Variants in GLP1R observed in about 807,000 individuals in gnomAD.
GLP1R encodes glucagon-like peptide 1 receptor.
A neutral mutation model predicts 68.4 loss-of-function variants in GLP1R; 32 were observed. That is an observed-to-expected ratio of 0.47 (90% CI 0.35 to 0.63). GLP1R has a LOEUF of 0.63. GLP1R is among the 20% of genes least tolerant of loss of function. The probability of loss-of-function intolerance (pLI) is 0.00; values close to 1 mark genes in which losing one functional copy is unlikely to be tolerated. For synonymous variants in GLP1R, 263 were observed against 244.4 expected (o/e 1.08, Z -0.71); for missense variants, 502 against 594.9 (o/e 0.84, Z 1.62).
At position 39,086,291 on chromosome 6, in the gene GLP1R, AAGC is replaced by A. The variant is rs1178690706; in HGVS notation, c.*222_*224del. 3 of 488,338 alleles carry A rather than the reference AAGC, an allele frequency of 6.1e-6. No homozygotes were observed. The highest frequency in any genetic ancestry group is 3.5e-5 in the Admixed American group (1 of 28,368). 30.3% of individuals were successfully genotyped at this position (488,338 alleles called of 1,614,324 possible). A position where few individuals can be genotyped will look rare whatever the true frequency, so the allele number is the denominator to read the frequency against. On this transcript the variant is annotated 3_prime_UTR_variant, in exon 13 of 13. Coordinates refer to ENST00000373256, the MANE Select transcript of GLP1R (RefSeq NM_002062.5). This position sits in a 1 kb window ranked among gnomAD's most constrained non-coding sequence, Gnocchi z 4.5. ...CCATGGACACATTTTCTCCTAGGAGAAGCAGCCTCCTAATTTGATCACAGTGGC... is the reference window on the plus strand; with the variant it reads ...CCATGGACACATTTTCTCCTAGGAGAAGCCTCCTAATTTGATCACAGTGGC...
chr6:39,050,731 T>G (rs1768068588), intron 1 of GLP1R, among the ~76,000 whole-genome samples: 1 of 152,152 alleles, frequency 6.6e-6, no homozygotes, highest in Non-Finnish European at 1.5e-5. Context: ...ATAGTGTATT[T>G]TGCATTTTGT....
chr6:39,079,654 C>A lies in GLP1R; in HGVS notation c.1134C>A (p.Thr378=), dbSNP rs200102967. 1 of 1,612,250 alleles carries A rather than the reference C, an allele frequency of 6.2e-7. No individual in the cohort carries two copies. Among genetic ancestry groups the A allele is most frequent in the Non-Finnish European group, 8.5e-7 (1 of 1,179,236 alleles). Residue 378 remains threonine, a synonymous_variant, in exon 11 of 13, where the codon ACC becomes ACA. Coordinates refer to ENST00000373256, the MANE Select transcript of GLP1R (RefSeq NM_002062.5). The surrounding 1 kb of genome is among the most constrained non-coding windows in gnomAD (Gnocchi z 4.5). ...TGATGGACGAGCACGCCCGGGGGAC[C>A]CTGCGCTTCATCAAGCTGTTTACAG... ...AFVMDEHARG[T]LRFIKLFTEL... is the part of the protein sequence containing the mutation.
intron 6 of GLP1R, 36 bp downstream of exon 6, chr6:39,073,051 G>A: frequency 1.9e-6 from 3 of 1,594,858 alleles, no homozygotes; most frequent in Non-Finnish European, 2.6e-6. Flanking sequence ...CAGGAGGGAT[G>A]GGCGGTTGGA....
At position 39,056,407 on chromosome 6, in the gene GLP1R, T is replaced by A; in HGVS notation, c.89T>A (p.Val30Glu). The A allele has an allele frequency of 1.3e-6, 2 of 1,598,600 alleles. No individual in the cohort carries two copies. The highest frequency in any genetic ancestry group is 1.7e-6 in the Non-Finnish European group (2 of 1,166,002). Reference protein sequence around the residue: ...RAGPRPQGATVSLWETVQKWR... With the variant: ...RAGPRPQGATESLWETVQKWR... The stretch of plus-strand genomic sequence containing the variant: ...ATGCCCTCCCCCCAGGGTGCCACTG[T>A]GTCCCTCTGGGAGACGGTGCAGAAA... Residue 30 changes from valine (V) to glutamate (E), a missense_variant, in exon 2 of 13, where the codon GTG becomes GAG. Coordinates refer to ENST00000373256, the MANE Select transcript of GLP1R (RefSeq NM_002062.5).
chr6:39,049,371 A>G lies in GLP1R; in HGVS notation c.78+453A>G, dbSNP rs1450033571. 2.0e-5 allele frequency among the ~76,000 whole-genome samples: 3 copies of G among 152,044 alleles called. No individual in the cohort carries two copies. The highest frequency in any genetic ancestry group is 4.4e-5 in the Non-Finnish European group (3 of 67,992). ...GCCTCCCCAGACAATCCACCTGCTC[A>G]AAGACCCTGAGAAGACCCTGGGAGG... On this transcript the variant is annotated intron_variant, in intron 1 of 12. Coordinates refer to ENST00000373256, the MANE Select transcript of GLP1R (RefSeq NM_002062.5). The surrounding 1 kb of genome is among the most constrained non-coding windows in gnomAD (Gnocchi z 4.5).
At chr6:39,072,557 C>T (rs1000181238) in intron 5 of GLP1R, among the ~76,000 whole-genome samples, 2 of 152,246 alleles carry the variant, frequency 1.3e-5, no homozygotes, top group Non-Finnish European at 2.9e-5. Flanking sequence ...AACTGATCCT[C>T]ATGCATAAAT....
chr6:39,050,484 TC>T (rs1207630645), intron 1 of GLP1R, among the ~76,000 whole-genome samples: 3 of 152,108 alleles, frequency 2.0e-5, no homozygotes, highest in African/African-American at 4.8e-5. Context: ...TTTCCTCTGA[TC>T]CGATTTTACT....
chr6:39,075,870 C>T (rs1300223826), intron 7 of GLP1R, among the ~76,000 whole-genome samples: 2 of 152,320 alleles, frequency 1.3e-5, no homozygotes, highest in East Asian at 3.9e-4. Context: ...GGAGGCTGTG[C>T]AAGAGGGAGG....
intron 3 of GLP1R, among the ~76,000 whole-genome samples, chr6:39,061,458 A>G (rs1020538551): frequency 1.3e-5 from 2 of 152,234 alleles, no homozygotes; most frequent in African/African-American, 2.4e-5. Flanking sequence ...ATGCTTTAAA[A>G]ATAACCTATA....
At chr6:39,070,413 T>C (rs1488492747) in intron 5 of GLP1R, among the ~76,000 whole-genome samples, 1 of 152,242 alleles carries the variant, frequency 6.6e-6, no homozygotes, top group Non-Finnish European at 1.5e-5. Flanking sequence ...TTTTTCTTTC[T>C]GAATTACAAA....
In GLP1R at chr6:39,087,411, T is replaced by C. The variant is rs1769178050; in HGVS notation, c.*1338T>C. 1 of 152,188 alleles carries C rather than the reference T, an allele frequency of 6.6e-6. No individual in the cohort carries two copies. The highest frequency in any genetic ancestry group is 1.5e-5 in the Non-Finnish European group (1 of 68,062). 9.4% of individuals were successfully genotyped at this position (152,188 alleles called of 1,614,324 possible). ...AACCTATCAATCCTGCCCCCAGCCA[T>C]GGTGAGGAAGCCCCAAGCCATGGTG... On this transcript the variant is annotated 3_prime_UTR_variant, in exon 13 of 13. Coordinates refer to ENST00000373256, the MANE Select transcript of GLP1R (RefSeq NM_002062.5).
At position 39,048,897 on chromosome 6, in the gene GLP1R, C is replaced by A; in HGVS notation, c.57C>A (p.Gly19=). The stretch of plus-strand genomic sequence containing the variant: ...CGCTGCTGCTGCTCGGGATGGTGGG[C>A]AGGGCCGGCCCCCGCCCCCAGGTGA... The part of the protein sequence containing the change: ...RLALLLLGMV[G]RAGPRPQGAT... The change falls in exon 1 of 13, where the codon GGC becomes GGA. Residue 19 remains glycine, a synonymous_variant. Transcript: ENST00000373256. 6.9e-7 allele frequency: 1 copy of A among 1,441,740 alleles called. No homozygotes were observed. Among genetic ancestry groups the A allele is most frequent in the Non-Finnish European group, 9.1e-7 (1 of 1,100,774 alleles). The allele number at this position is 1,441,740 out of a possible 1,614,324, so 89.3% of individuals were successfully genotyped here.
chr6:39,051,419 C>A (rs1768085083), intron 1 of GLP1R, among the ~76,000 whole-genome samples: 1 of 152,024 alleles, frequency 6.6e-6, no homozygotes, highest in Non-Finnish European at 1.5e-5. Flanking sequence ...TGTTGGAGAC[C>A]CTGGGTCTCT....
In GLP1R at chr6:39,061,693, C is replaced by T. The variant is rs74607943; in HGVS notation, c.284-4018C>T. On this transcript the variant is annotated intron_variant, in intron 3 of 12. Transcript: ENST00000373256. Reference sequence around the variant, plus strand: ...GATGTTTCAAAGGTCTACTATGTACCGGGCACTTCACATGCTTTATCTTCT... The same window carrying T: ...GATGTTTCAAAGGTCTACTATGTACTGGGCACTTCACATGCTTTATCTTCT... Among the ~76,000 whole-genome samples the T allele has an allele frequency of 4.1e-4, 62 of 152,250 alleles. No homozygotes were observed. The East Asian group carries it at 7.5e-3, about 18-fold the overall frequency.
rs1768916654 is a variant in GLP1R at position 39,079,058 on chromosome 6, G to A, written c.954+32G>A. 6.2e-7 allele frequency: 1 copy of A among 1,610,174 alleles called. No homozygotes were observed. Among genetic ancestry groups the A allele is most frequent in the South Asian group, 1.1e-5 (1 of 90,994 alleles). ...GATGGTGTCAGGGATGGGAGTGGCA[G>A]CTATGATAGGGCTGGGCTGGTGCCC... On this transcript the variant is annotated intron_variant, in intron 9 of 12. Transcript: ENST00000373256. The surrounding 1 kb of genome is among the most constrained non-coding windows in gnomAD (Gnocchi z 4.5).
At chr6:39,073,206 T>C (rs1379938497) in intron 6 of GLP1R, among the ~76,000 whole-genome samples, 191 bp downstream of exon 6, 1 of 152,146 alleles carries the variant, frequency 6.6e-6, no homozygotes, top group East Asian at 1.9e-4. Context: ...GCAGTCTACC[T>C]TAGGGAGCTC....
chr6:39,070,301 C>G (rs1208890763), intron 5 of GLP1R, among the ~76,000 whole-genome samples: 1 of 152,242 alleles, frequency 6.6e-6, no homozygotes, highest in African/African-American at 2.4e-5. Flanking sequence ...TTGACACGAG[C>G]AGTCCTGTTT....
At chr6:39,072,513 C>T (rs529359333) in intron 5 of GLP1R, among the ~76,000 whole-genome samples, 60 of 152,352 alleles carry the variant, frequency 3.9e-4, no homozygotes, top group Admixed American at 1.2e-3. Flanking sequence ...AGGATGTGGG[C>T]CCTGTCAACA....
intron 5 of GLP1R, among the ~76,000 whole-genome samples, chr6:39,067,848 C>T (rs1304817410): frequency 5.3e-5 from 8 of 152,232 alleles, no homozygotes; most frequent in Non-Finnish European, 8.8e-5. Flanking sequence ...AAATTTCTCT[C>T]TAGCTGTGAA....
Sources: allele counts gnomAD v4.1 joint callset (sites outside exome capture counted in the v4.1 genomes callset), GRCh38; gene constraint gnomAD v4.1.1; non-coding constraint Gnocchi (gnomAD v3.1); transcripts MANE v1.5; gene names NCBI Gene and HGNC (gene_info 2026-07-23, HGNC 2026-07-21).